PPARGC1A: variants seen among roughly 807,000 people sequenced by gnomAD.
PPARGC1A encodes the protein PPARG coactivator 1 alpha, also known as peroxisome proliferator-activated receptor gamma coactivator 1-alpha.
A neutral mutation model predicts 88.7 loss-of-function variants in PPARGC1A; 25 were observed. That is an observed-to-expected ratio of 0.28 (90% CI 0.21 to 0.39). The LOEUF (loss-of-function observed/expected upper bound fraction) is 0.39. Ranked by LOEUF, PPARGC1A falls within the 10% of genes least tolerant of loss-of-function variation. The pLI, the probability that PPARGC1A is intolerant of heterozygous loss-of-function variation, is 1.00. For synonymous variants in PPARGC1A, 363 were observed against 355.6 expected (o/e 1.02, Z -0.24); for missense variants, 880 against 968.7 (o/e 0.91, Z 1.22).
At chr4:24,233,585 TACAC>T in the PPARGC1A span, among the ~76,000 whole-genome samples, 24,671 of 149,058 alleles carry the variant, frequency 0.17, 2,191 homozygotes, top group Middle Eastern at 0.27. Flanking sequence ...CACAAACACA[TACAC>T]ACACACACAC....
chr4:24,216,662 TCTTC>T, the PPARGC1A span, among the ~76,000 whole-genome samples: 721 of 152,312 alleles, frequency 4.7e-3, 25 homozygotes, highest in East Asian at 0.093. Context: ...GGCCCTAGTC[TCTTC>T]CTTATTTAAA....
At chr4:23,813,590 G>T in intron 8 of PPARGC1A, 100 bp downstream of exon 8, 1 of 1,111,328 alleles carries the variant, frequency 9.0e-7, no homozygotes, top group Non-Finnish European at 1.3e-6. Flanking sequence ...GTGGTCAGGG[G>T]CCAGAATGGC....
the PPARGC1A span, among the ~76,000 whole-genome samples, chr4:24,387,935 A>AAAGAAAGAAAGAAG: frequency 1.4e-4 from 1 of 7,350 alleles, no homozygotes; most frequent in East Asian, 2.1e-3. Context: ...AGAAAGAAAG[A>AAAGAAAGAAAGAAG]GAAAGAAAGA....
the PPARGC1A span, among the ~76,000 whole-genome samples, chr4:24,307,492 C>T: frequency 6.6e-6 from 1 of 152,272 alleles, no homozygotes; most frequent in African/African-American, 2.4e-5. Context: ...TTGTGTTGAG[C>T]ACTCTTGGGA....
the PPARGC1A span, among the ~76,000 whole-genome samples, chr4:24,048,675 C>T: frequency 6.6e-5 from 10 of 152,138 alleles, no homozygotes; most frequent in Admixed American, 3.3e-4. Flanking sequence ...TCTCAACTGT[C>T]TCTACCCAAC....
intron 2 of PPARGC1A, among the ~76,000 whole-genome samples, chr4:23,836,292 A>T (rs1195758686): frequency 6.6e-6 from 1 of 152,176 alleles, no homozygotes; most frequent in Non-Finnish European, 1.5e-5. Flanking sequence ...GCCAACGGGC[A>T]TTTCCACAGT....
the PPARGC1A span, among the ~76,000 whole-genome samples, chr4:24,169,965 A>G: frequency 6.6e-6 from 1 of 152,238 alleles, no homozygotes; most frequent in East Asian, 1.9e-4. Context: ...TACACTGGTC[A>G]TCATGACAAT....
At chr4:24,431,586 C>T in the PPARGC1A span, among the ~76,000 whole-genome samples, 3 of 152,216 alleles carry the variant, frequency 2.0e-5, no homozygotes, top group East Asian at 5.8e-4. Context: ...CATTCAAGGA[C>T]CAGAGAGAAG....
chr4:24,428,044 G>A, the PPARGC1A span, among the ~76,000 whole-genome samples: 2 of 151,594 alleles, frequency 1.3e-5, no homozygotes, highest in Non-Finnish European at 2.9e-5. Flanking sequence ...GAGCCCAGGA[G>A]TTTAAGGTTG....
At chr4:24,024,930 G>C in the PPARGC1A span, among the ~76,000 whole-genome samples, 2 of 152,154 alleles carry the variant, frequency 1.3e-5, no homozygotes, top group Non-Finnish European at 2.9e-5. Context: ...TCTGACCCTG[G>C]CTTGATTCCT....
At chr4:23,888,544 A>C (rs146311244) in intron 1 of PPARGC1A, among the ~76,000 whole-genome samples, 261 of 152,318 alleles carry the variant, frequency 1.7e-3, no homozygotes, top group Admixed American at 3.0e-3. Context: ...ACCCTGACTC[A>C]TAATGGCTAC....
At chr4:23,805,079 G>A (rs1041226628) in intron 10 of PPARGC1A, among the ~76,000 whole-genome samples, 1 of 152,098 alleles carries the variant, frequency 6.6e-6, no homozygotes, top group Admixed American at 6.6e-5. Flanking sequence ...ATGAATATCT[G>A]CTATAAAATC....
chr4:24,081,395 G>C, the PPARGC1A span, among the ~76,000 whole-genome samples: 1 of 152,070 alleles, frequency 6.6e-6, no homozygotes, highest in Non-Finnish European at 1.5e-5. Context: ...GTAAAAAAAG[G>C]AATCCAGCAA....
chr4:23,814,123 G>C lies in PPARGC1A; in HGVS notation c.1360C>G (p.Gln454Glu). Residue 454 changes from glutamine to glutamate, a missense_variant, in exon 8 of 13, where the codon CAA (glutamine) becomes GAA (glutamate). Transcript: ENST00000264867. ...VSPCSTRKQLQDQEIRAELNK... is the reference protein window; with the variant it reads ...VSPCSTRKQLEDQEIRAELNK... ...AGCTCGGCTCGGATTTCCTGGTCTTGGAGCTGTTTTCTTGTGCTGCAAGGA... is the reference window on the plus strand; with the variant it reads ...AGCTCGGCTCGGATTTCCTGGTCTTCGAGCTGTTTTCTTGTGCTGCAAGGA... The C allele has an allele frequency of 6.2e-7, 1 of 1,614,044 alleles. No homozygotes were observed. The highest frequency in any genetic ancestry group is 8.5e-7 in the Non-Finnish European group (1 of 1,179,990).
the PPARGC1A span, among the ~76,000 whole-genome samples, chr4:23,972,547 T>C: frequency 6.6e-6 from 1 of 152,198 alleles, no homozygotes; most frequent in Non-Finnish European, 1.5e-5. Context: ...GAAAGTGCTT[T>C]GTGAAGCACT....
chr4:23,824,693 G>C (rs1723617161), intron 5 of PPARGC1A, among the ~76,000 whole-genome samples, 185 bp from the exon 6 acceptor site: 1 of 152,028 alleles, frequency 6.6e-6, no homozygotes, highest in Non-Finnish European at 1.5e-5. Context: ...AACAGCGTTT[G>C]CATCAGTAAA....
the PPARGC1A span, among the ~76,000 whole-genome samples, chr4:24,183,099 G>C: frequency 2.6e-5 from 4 of 152,162 alleles, 1 homozygote; most frequent in South Asian, 8.3e-4. Context: ...ATGAGGACCA[G>C]ATGGAAATAA....
the PPARGC1A span, among the ~76,000 whole-genome samples, chr4:24,310,454 G>A: frequency 1.3e-5 from 2 of 152,158 alleles, no homozygotes; most frequent in Non-Finnish European, 2.9e-5. Context: ...GTAAAGAGGA[G>A]CAATTTTATG....
chr4:24,415,516 C>T, the PPARGC1A span, among the ~76,000 whole-genome samples: 1 of 152,072 alleles, frequency 6.6e-6, no homozygotes, highest in Non-Finnish European at 1.5e-5. Context: ...GGGGATGGGG[C>T]AGAGTATATT....
Sources: gnomAD v4.1 joint callset for allele counts (sites outside exome capture counted in the v4.1 genomes callset) on GRCh38, gnomAD v4.1.1 for gene constraint, MANE v1.5 for transcripts, NCBI Gene and HGNC (gene_info 2026-07-23, HGNC 2026-07-21) for gene names.